Variants in DPP10 observed in about 807,000 individuals in gnomAD.
DPP10 encodes dipeptidyl peptidase like 10.
In DPP10, 33 loss-of-function variants were observed where a neutral mutation model predicts 120.9. The observed-to-expected ratio is 0.27, with a 90% CI of 0.21 to 0.37. The LOEUF (loss-of-function observed/expected upper bound fraction) is 0.37, where lower values mean the gene tolerates loss of function less well. Among genes scored for constraint, DPP10 ranks in the 10% least tolerant of loss-of-function variants. The pLI is 1.00. For missense variants in DPP10, 816 were observed against 942.8 expected (o/e 0.87, Z 1.76); for synonymous variants, 337 against 326.1 (o/e 1.03, Z -0.36).
At chr2:114,663,668 T>TATATATATATATATATAGAGAGAGAG in intron 1 of DPP10, among the ~76,000 whole-genome samples, 5 of 80,714 alleles carry the variant, frequency 6.2e-5, no homozygotes, top group African/African-American at 3.8e-4. Flanking sequence ...TATATATATA[T>TATATATATATATATATAGAGAGAGAG]AGAGAGAGAG....
At chr2:115,545,941 T>C (rs2079474238) in intron 5 of DPP10, among the ~76,000 whole-genome samples, 1 of 152,112 alleles carries the variant, frequency 6.6e-6, no homozygotes, top group African/African-American at 2.4e-5. Flanking sequence ...ATTTAATGTT[T>C]TCATCCTTGA....
At chr2:115,723,062 CT>C (rs1045061884) in intron 7 of DPP10, among the ~76,000 whole-genome samples, 1 of 152,008 alleles carries the variant, frequency 6.6e-6, no homozygotes, top group African/African-American at 2.4e-5. Flanking sequence ...TAGAGCTCTC[CT>C]TTTTTTGCAG....
At chr2:115,661,942 G>C (rs1228673679) in intron 5 of DPP10, among the ~76,000 whole-genome samples, 1 of 152,114 alleles carries the variant, frequency 6.6e-6, no homozygotes, top group Non-Finnish European at 1.5e-5. Context: ...TATAGTCATA[G>C]TGTTGTGCAT....
chr2:115,210,986 A>G (rs1251363857), intron 1 of DPP10, among the ~76,000 whole-genome samples: 1 of 152,148 alleles, frequency 6.6e-6, no homozygotes, highest in Non-Finnish European at 1.5e-5. Flanking sequence ...AATATTCAAG[A>G]CATTTATGTT....
chr2:115,773,238 A>G (rs1681689987), intron 13 of DPP10, among the ~76,000 whole-genome samples: 1 of 152,180 alleles, frequency 6.6e-6, no homozygotes, highest in Non-Finnish European at 1.5e-5. Context: ...GTGAACATTT[A>G]ATATAAGAAA....
chr2:114,671,655 G>T (rs1386980855), intron 1 of DPP10, among the ~76,000 whole-genome samples: 1 of 152,054 alleles, frequency 6.6e-6, no homozygotes, highest in African/African-American at 2.4e-5. Flanking sequence ...TGGATAAAGG[G>T]GGAATTACTA....
chr2:115,188,243 A>AT (rs1012575751), intron 1 of DPP10, among the ~76,000 whole-genome samples: 8 of 152,172 alleles, frequency 5.3e-5, no homozygotes, highest in Non-Finnish European at 8.8e-5. Flanking sequence ...TTTCCTTCGT[A>AT]TTTTTTAGGA....
intron 1 of DPP10, among the ~76,000 whole-genome samples, chr2:114,552,895 C>T (rs556271645): frequency 2.0e-4 from 30 of 152,204 alleles, no homozygotes; most frequent in Non-Finnish European, 2.9e-4. Flanking sequence ...ATTTTAGAGT[C>T]GGAGACTAAT....
intron 11 of DPP10, among the ~76,000 whole-genome samples, chr2:115,754,314 GTA>G (rs1679126027): frequency 6.6e-6 from 1 of 152,124 alleles, no homozygotes; most frequent in African/African-American, 2.4e-5. Context: ...GACCCCTTAA[GTA>G]TTAGGCTCAA....
intron 1 of DPP10, among the ~76,000 whole-genome samples, chr2:115,133,665 A>C (rs2050500096): frequency 6.6e-6 from 1 of 152,176 alleles, no homozygotes; most frequent in Non-Finnish European, 1.5e-5. Context: ...TAACTGCTAA[A>C]GGGAGGAAGT....
At chr2:114,599,471 G>A (rs1193620078) in intron 1 of DPP10, among the ~76,000 whole-genome samples, 1 of 151,710 alleles carries the variant, frequency 6.6e-6, no homozygotes, top group Non-Finnish European at 1.5e-5. Context: ...TTTTTGGAGT[G>A]ATATAGTACA....
At chr2:115,695,033 C>T (rs755167800) in intron 7 of DPP10, among the ~76,000 whole-genome samples, 10 of 152,176 alleles carry the variant, frequency 6.6e-5, no homozygotes, top group Non-Finnish European at 1.5e-4. Context: ...TCCTCTCCCT[C>T]CAGCTGAAGT....
chr2:115,237,580 A>T (rs1416866089), intron 1 of DPP10, among the ~76,000 whole-genome samples: 3 of 152,220 alleles, frequency 2.0e-5, no homozygotes, highest in Non-Finnish European at 4.4e-5. Flanking sequence ...GCATGTCAAT[A>T]GCCAAGACAG....
intron 1 of DPP10, among the ~76,000 whole-genome samples, chr2:114,946,905 G>A (rs1469521778): frequency 6.6e-6 from 1 of 151,920 alleles, no homozygotes; most frequent in Non-Finnish European, 1.5e-5. Context: ...TTCCAACGAA[G>A]ACATGAGTTT....
chr2:115,194,293 C>T (rs989842040), intron 1 of DPP10, among the ~76,000 whole-genome samples: 2 of 151,946 alleles, frequency 1.3e-5, no homozygotes, highest in Non-Finnish European at 2.9e-5. Flanking sequence ...GGCGTGATCT[C>T]GGCTCACCGC....
chr2:114,737,937 A>G (rs1010549516), intron 1 of DPP10, among the ~76,000 whole-genome samples: 8 of 152,200 alleles, frequency 5.3e-5, no homozygotes, highest in African/African-American at 1.7e-4. Flanking sequence ...ATTTGTAAAG[A>G]AAAGAGGTTT....
Position 114,839,785 on chromosome 2 carries a change from C to T in DPP10, c.60+396947C>T, listed in dbSNP as rs1471901890. 2.6e-5 allele frequency among the ~76,000 whole-genome samples: 4 copies of T among 152,064 alleles called. No individual in the cohort carries two copies. The East Asian group carries it at 7.7e-4, about 29-fold the overall frequency. On this transcript the variant is annotated intron_variant, in intron 1 of 25. Transcript: ENST00000410059. ...GAAAGGAAGAATTTGAAAGATGCAACGTCCTTGTTTATAGTAGATATTTCA... is the reference window on the plus strand; with the variant it reads ...GAAAGGAAGAATTTGAAAGATGCAATGTCCTTGTTTATAGTAGATATTTCA...
intron 1 of DPP10, among the ~76,000 whole-genome samples, chr2:114,689,951 T>C (rs1234789476): frequency 6.6e-6 from 1 of 152,066 alleles, no homozygotes; most frequent in East Asian, 1.9e-4. Context: ...TCTTGTAAAT[T>C]TGTGTAAGTA....
At chr2:114,532,292 T>TACACACACAC (rs1433723535) in intron 1 of DPP10, among the ~76,000 whole-genome samples, 1 of 67,388 alleles carries the variant, frequency 1.5e-5, no homozygotes, top group African/African-American at 5.9e-5. Context: ...TATATATATA[T>TACACACACAC]ATATACACAC....
Sources: gnomAD v4.1 joint callset for allele counts (sites outside exome capture counted in the v4.1 genomes callset) on GRCh38, gnomAD v4.1.1 for gene constraint, MANE v1.5 for transcripts, NCBI Gene and HGNC (gene_info 2026-07-23, HGNC 2026-07-21) for gene names.